The following ADAM9 variants were observed in gnomAD, a reference collection of about 807,000 sequenced individuals.
ADAM9 encodes the protein disintegrin and metalloproteinase domain-containing protein 9.
Under a neutral mutation model 108.1 loss-of-function variants are expected in ADAM9, and 54 were observed. The ratio of observed to expected loss-of-function variants is 0.50; its 90% CI spans 0.40 to 0.63. The LOEUF is 0.63. Ranked by LOEUF, ADAM9 falls within the 20% of genes least tolerant of loss-of-function variation. ADAM9 has a pLI of 0.00. For missense variants in ADAM9, 830 were observed against 997.7 expected, an observed-to-expected ratio of 0.83 and a Z score of 2.26; for synonymous variants, 316 against 336.0, an observed-to-expected ratio of 0.94 and a Z score of 0.65.
chr8:39,090,155 GCT>G lies in ADAM9; in HGVS notation c.2178_2179del (p.Ser726ArgfsTer11). 1 of 1,613,812 alleles carries G rather than the reference GCT, an allele frequency of 6.2e-7. No individual in the cohort carries two copies. Among genetic ancestry groups the G allele is most frequent in the Non-Finnish European group, 8.5e-7 (1 of 1,179,876 alleles). ...ATCAAGAGGGATCAACTGTGGAGAA[GCT>G]ACTTCAGAAAGAAGAGATCACAAAC... On this transcript the variant is annotated frameshift_variant, in exon 19 of 22. Coordinates refer to ENST00000487273, the MANE Select transcript of ADAM9 (RefSeq NM_003816.3). LOFTEE classifies it high-confidence loss of function.
intron 9 of ADAM9, among the ~76,000 whole-genome samples, chr8:39,025,443 C>T (rs1004919719): frequency 1.3e-5 from 2 of 152,156 alleles, no homozygotes; most frequent in East Asian, 1.9e-4. Context: ...TGCAGCTGCC[C>T]GTGTAAACAT....
At chr8:39,089,793 C>T (rs1032774925) in intron 18 of ADAM9, 6 of 458,518 alleles carry the variant, frequency 1.3e-5, no homozygotes, top group Admixed American at 6.8e-5. Context: ...ACAGTAGAAA[C>T]GTATTTTGTT....
intron 18 of ADAM9, among the ~76,000 whole-genome samples, chr8:39,085,929 A>G (rs183970216): frequency 1.3e-5 from 2 of 150,888 alleles, no homozygotes; most frequent in Admixed American, 6.6e-5. Flanking sequence ...CTCCAATTTT[A>G]TGTATATTTG....
intron 13 of ADAM9, 147 bp from the exon 14 acceptor site, chr8:39,055,430 T>C: frequency 1.3e-6 from 1 of 769,776 alleles, no homozygotes; most frequent in Non-Finnish European, 2.2e-6. Context: ...TTACCTGTTG[T>C]TAGCCATTGT....
At chr8:39,011,918 T>C (rs1354986391) in intron 3 of ADAM9, among the ~76,000 whole-genome samples, 1 of 152,206 alleles carries the variant, frequency 6.6e-6, no homozygotes, top group African/African-American at 2.4e-5. Flanking sequence ...TGGAACCAAG[T>C]ACCTCCAGTT....
At position 39,002,033 on chromosome 8, in the gene ADAM9, TAAAAAAAAAAA is replaced by T. The variant is rs35778686; in HGVS notation, c.97+4883_97+4893del. 2.8e-5 allele frequency among the ~76,000 whole-genome samples: 3 copies of T among 108,624 alleles called. No homozygotes were observed. In the East Asian group the frequency reaches 7.8e-4, roughly 28 times the overall value. The allele number at this position is 108,624 out of a possible 152,430, so 71.3% of individuals were successfully genotyped here. A position where few individuals can be genotyped will look rare whatever the true frequency, so the allele number is the denominator to read the frequency against. ...TTGACCTGGCGAATACTAGAATGATTAAAAAAAAAAAAAAAAAAAAGGCAAAAACTGCAATT... is the reference window on the plus strand; with the variant it reads ...TTGACCTGGCGAATACTAGAATGATTAAAAAAAAAGGCAAAAACTGCAATT... On this transcript the variant is annotated intron_variant, in intron 1 of 21. Transcript: ENST00000487273.
At position 39,091,300 on chromosome 8, in the gene ADAM9, G is replaced by A. The variant is rs1324667255; in HGVS notation, c.2252G>A (p.Gly751Glu). Residue 751 changes from glycine to glutamate, a missense_variant, in exon 20 of 22, where the codon GGG (glycine) becomes GAG (glutamate). Around this residue, in one of 3 missense-constraint regions of ADAM9, gnomAD observed 238 missense variants for 235.7 expected, o/e 1.01. Coordinates refer to ENST00000487273, the MANE Select transcript of ADAM9 (RefSeq NM_003816.3). Reference protein sequence around the residue: ...KNQANPSRQPGSVPRHVSPVT... With the variant: ...KNQANPSRQPESVPRHVSPVT... Reference sequence around the variant, plus strand: ...CAAGCAAACCCTTCTAGACAGCCGGGGAGTGTTCCTCGACATGTTTCTCCA... The same window carrying A: ...CAAGCAAACCCTTCTAGACAGCCGGAGAGTGTTCCTCGACATGTTTCTCCA... 1.2e-6 allele frequency: 2 copies of A among 1,614,064 alleles called. No homozygotes were observed. The highest frequency in any genetic ancestry group is 1.3e-5 in the African/African-American group (1 of 75,008).
intron 3 of ADAM9, among the ~76,000 whole-genome samples, chr8:39,012,206 T>TG (rs1279762452): frequency 6.6e-6 from 1 of 152,232 alleles, no homozygotes; most frequent in African/African-American, 2.4e-5. Context: ...CGCTGAGATA[T>TG]GTGTGAGGCA....
At chr8:39,045,239 TATAC>T (rs1200308606) in intron 12 of ADAM9, among the ~76,000 whole-genome samples, 2 of 146,576 alleles carry the variant, frequency 1.4e-5, no homozygotes, top group African/African-American at 5.0e-5. Context: ...TATATATGTG[TATAC>T]ATACATATAT....
chr8:39,032,220 C>A (rs1454641815), intron 11 of ADAM9, among the ~76,000 whole-genome samples: 1 of 152,246 alleles, frequency 6.6e-6, no homozygotes, highest in Non-Finnish European at 1.5e-5. Flanking sequence ...CAGACAGGGA[C>A]GTTTAAATCT....
At chr8:39,084,323 A>G (rs530656700) in intron 18 of ADAM9, among the ~76,000 whole-genome samples, 128 of 148,300 alleles carry the variant, frequency 8.6e-4, no homozygotes, top group African/African-American at 3.1e-3. Context: ...AAGGTGGAGG[A>G]TGAGGTCATC....
At chr8:39,032,075 G>A (rs1209384250) in intron 11 of ADAM9, among the ~76,000 whole-genome samples, 1 of 152,242 alleles carries the variant, frequency 6.6e-6, no homozygotes, top group African/African-American at 2.4e-5. Flanking sequence ...CCTGTGTGAG[G>A]TGTCATTGGC....
intron 20 of ADAM9, among the ~76,000 whole-genome samples, chr8:39,099,444 T>G (rs1839614698): frequency 6.6e-6 from 1 of 152,220 alleles, no homozygotes; most frequent in Non-Finnish European, 1.5e-5. Flanking sequence ...CTGGGAAGTT[T>G]CCTCTGGACA....
chr8:39,043,220 A>G (rs901323230), intron 12 of ADAM9, among the ~76,000 whole-genome samples: 2 of 152,210 alleles, frequency 1.3e-5, no homozygotes, highest in Non-Finnish European at 2.9e-5. Context: ...GCTACTGTGA[A>G]TAATGCTGCA....
chr8:39,076,104 A>G (rs1208135248), intron 15 of ADAM9: 2 of 152,230 alleles, frequency 1.3e-5, no homozygotes, highest in African/African-American at 2.4e-5. Context: ...GAAGTACAGT[A>G]TCTAGAATAA....
intron 20 of ADAM9, among the ~76,000 whole-genome samples, chr8:39,097,273 C>T (rs914987946): frequency 1.3e-5 from 2 of 151,184 alleles, no homozygotes; most frequent in African/African-American, 4.9e-5. Flanking sequence ...TACTCAAGAG[C>T]ACCCCCAGGT....
rs1337907862 is a variant in ADAM9 at position 38,997,173 on chromosome 8, G to T, written c.97+13G>T. The T allele has an allele frequency of 6.3e-7, 1 of 1,593,850 alleles. No individual in the cohort carries two copies. Reference sequence around the variant, plus strand: ...GCGGCGCGGCCAGGTGGGTGTCCGCGCCCCGGGTCGGTTGGGACGGCTGCT... The same window carrying T: ...GCGGCGCGGCCAGGTGGGTGTCCGCTCCCCGGGTCGGTTGGGACGGCTGCT... On this transcript the variant is annotated intron_variant, in intron 1 of 21. Coordinates refer to ENST00000487273, the MANE Select transcript of ADAM9 (RefSeq NM_003816.3).
At chr8:39,000,890 C>T (rs1835972092) in intron 1 of ADAM9, among the ~76,000 whole-genome samples, 2 of 152,050 alleles carry the variant, frequency 1.3e-5, no homozygotes, top group South Asian at 2.1e-4. Context: ...GTTACTAAAC[C>T]TTACTGGAAG....
chr8:39,094,089 A>G (rs1463436502), intron 20 of ADAM9, among the ~76,000 whole-genome samples: 1 of 152,156 alleles, frequency 6.6e-6, no homozygotes, highest in African/African-American at 2.4e-5. Flanking sequence ...TTCTTTCTAT[A>G]CAAATTTGTT....
Sources: gnomAD v4.1 joint callset for allele counts (sites outside exome capture counted in the v4.1 genomes callset) on GRCh38, gnomAD v4.1.1 for gene constraint, gnomAD v4.1.1 regional missense constraint, MANE v1.5 for transcripts, NCBI Gene and HGNC (gene_info 2026-07-23, HGNC 2026-07-21) for gene names.